The following CHSY3 variants were observed in gnomAD, a reference collection of about 807,000 sequenced individuals.
CHSY3 encodes N-acetylgalactosaminyl-proteoglycan 3-beta-glucuronosyltransferase 3.
CHSY3 carries 35 observed loss-of-function variants against 67.2 expected under a neutral mutation model. The ratio of observed to expected loss-of-function variants is 0.52; its 90% CI spans 0.40 to 0.69. The LOEUF (loss-of-function observed/expected upper bound fraction) is 0.69, where lower values mean the gene tolerates loss of function less well. Among genes scored for constraint, CHSY3 ranks in the 30% least tolerant of loss-of-function variants. CHSY3 has a pLI of 0.00. For missense variants in CHSY3, 1,069 were observed against 1,138.5 expected (o/e 0.94, Z 0.88); for synonymous variants, 474 against 434.7 (o/e 1.09, Z -1.12).
chr5:130,129,791 A>G (rs921840378), intron 2 of CHSY3, among the ~76,000 whole-genome samples: 36 of 152,260 alleles, frequency 2.4e-4, no homozygotes, highest in African/African-American at 7.7e-4. Context: ...TCTCCTTATC[A>G]GTAAAAGATG....
chr5:130,065,260 C>T (rs1238463689), intron 2 of CHSY3, among the ~76,000 whole-genome samples: 1 of 151,754 alleles, frequency 6.6e-6, no homozygotes, highest in Non-Finnish European at 1.5e-5. Context: ...TAGGTAATAG[C>T]AACTTTGACA....
At chr5:130,052,580 G>T (rs1372934368) in intron 2 of CHSY3, among the ~76,000 whole-genome samples, 1 of 151,952 alleles carries the variant, frequency 6.6e-6, no homozygotes, top group Admixed American at 6.6e-5. Context: ...TTTATGAACT[G>T]CTGTGAGAGA....
rs556180521 is a variant in CHSY3, at chr5:129,905,231, C to G, written c.402C>G (p.Pro134=). The change falls in exon 1 of 3, where the codon CCC becomes CCG. Residue 134 remains proline, a synonymous_variant. Transcript: ENST00000305031. ...LPGAPAAEGE[P]EEEDGGAAGQ... ...GTGCTCCAGCGGCCGAGGGGGAGCCCGAGGAGGAGGACGGGGGCGCGGCTG... is the reference window on the plus strand; with the variant it reads ...GTGCTCCAGCGGCCGAGGGGGAGCCGGAGGAGGAGGACGGGGGCGCGGCTG... 4.0e-6 allele frequency: 6 copies of G among 1,493,314 alleles called. No individual in the cohort carries two copies. Among genetic ancestry groups the G allele is most frequent in the East Asian group, 5.2e-5 (2 of 38,680 alleles). 92.5% of individuals were successfully genotyped at this position (1,493,314 alleles called of 1,614,324 possible). A position where few individuals can be genotyped will look rare whatever the true frequency, so the allele number is the denominator to read the frequency against.
chr5:130,166,709 T>A (rs569623424), intron 2 of CHSY3, among the ~76,000 whole-genome samples: 203 of 152,238 alleles, frequency 1.3e-3, no homozygotes, highest in South Asian at 4.3e-3. Flanking sequence ...ATAATAGACA[T>A]CTTGCCATGC....
At chr5:129,964,197 T>C (rs1344760889) in intron 2 of CHSY3, among the ~76,000 whole-genome samples, 1 of 151,886 alleles carries the variant, frequency 6.6e-6, no homozygotes, top group East Asian at 1.9e-4. Flanking sequence ...ATGTACTTTC[T>C]GGCTGTGTGA....
intron 2 of CHSY3, among the ~76,000 whole-genome samples, chr5:129,979,389 C>A (rs1210863208): frequency 2.0e-5 from 3 of 151,890 alleles, no homozygotes; most frequent in African/African-American, 7.3e-5. Flanking sequence ...TGTATGATAT[C>A]ATAAAGTATT....
intron 2 of CHSY3, among the ~76,000 whole-genome samples, chr5:129,916,563 C>G (rs1227586695): frequency 6.6e-6 from 1 of 151,718 alleles, no homozygotes; most frequent in African/African-American, 2.4e-5. Flanking sequence ...ATCTGATAAC[C>G]CATTGTACAG....
At chr5:129,920,638 C>T (rs11957098) in intron 2 of CHSY3, among the ~76,000 whole-genome samples, 3,374 of 152,252 alleles carry the variant, frequency 0.022, 117 homozygotes, top group African/African-American at 0.075. Flanking sequence ...TCATTGTCTT[C>T]TATCCATAAA....
chr5:130,090,646 CGTT>C (rs1766847925), intron 2 of CHSY3, among the ~76,000 whole-genome samples: 1 of 152,172 alleles, frequency 6.6e-6, no homozygotes, highest in Non-Finnish European at 1.5e-5. Context: ...ACATGTATCA[CGTT>C]GTTGCATTAC....
chr5:130,005,338 C>T (rs1763845216), intron 2 of CHSY3, among the ~76,000 whole-genome samples: 1 of 151,942 alleles, frequency 6.6e-6, no homozygotes, highest in Non-Finnish European at 1.5e-5. Context: ...TCGCTTGAAC[C>T]CGGGAGGCAG....
rs914188493 is a variant in CHSY3, at chr5:130,062,557, AT to A, written c.1087-121664del. ...TACCCCCTGAATATAAAATATGATA[AT>A]TTTTTTTGACTGAACTTGTTTTCGT... On this transcript the variant is annotated intron_variant, in intron 2 of 2. Coordinates refer to ENST00000305031, the MANE Select transcript of CHSY3 (RefSeq NM_175856.5). Among the ~76,000 whole-genome samples the A allele has an allele frequency of 2.3e-3, 346 of 151,902 alleles. 2 individuals carry two copies. The highest frequency in any genetic ancestry group is 6.4e-3 in the African/African-American group (265 of 41,476).
intron 2 of CHSY3, among the ~76,000 whole-genome samples, chr5:130,034,091 T>G: frequency 6.6e-6 from 1 of 152,158 alleles, no homozygotes; most frequent in East Asian, 1.9e-4. Flanking sequence ...ACAATAACGT[T>G]CCCCAGATGT....
chr5:130,020,804 TG>T (rs1764368361), intron 2 of CHSY3, among the ~76,000 whole-genome samples: 1 of 152,164 alleles, frequency 6.6e-6, no homozygotes, highest in African/African-American at 2.4e-5. Context: ...CCTCTTCTCC[TG>T]TCCCCTACTC....
chr5:130,074,868 A>G (rs1202394864), intron 2 of CHSY3, among the ~76,000 whole-genome samples: 2 of 150,994 alleles, frequency 1.3e-5, no homozygotes, highest in African/African-American at 4.9e-5. Context: ...TTGGAGTTAT[A>G]TAAACAAATA....
At chr5:130,174,423 C>A (rs1769984588) in intron 2 of CHSY3, among the ~76,000 whole-genome samples, 1 of 152,014 alleles carries the variant, frequency 6.6e-6, no homozygotes, top group African/African-American at 2.4e-5. Context: ...TCACAGACAG[C>A]TTTACCCATG....
At chr5:129,969,434 A>G (rs536819073) in intron 2 of CHSY3, among the ~76,000 whole-genome samples, 1 of 151,904 alleles carries the variant, frequency 6.6e-6, no homozygotes, top group Non-Finnish European at 1.5e-5. Flanking sequence ...TCAACTAAAC[A>G]TTAGCTAATT....
chr5:130,052,081 C>A (rs1474555964), intron 2 of CHSY3: 1 of 152,324 alleles, frequency 6.6e-6, no homozygotes, highest in African/African-American at 2.4e-5. Context: ...TTTCTCTCTG[C>A]AGATGAGCTT....
intron 2 of CHSY3, among the ~76,000 whole-genome samples, chr5:130,039,593 G>A (rs1190908352): frequency 7.1e-6 from 1 of 140,788 alleles, no homozygotes; most frequent in Non-Finnish European, 1.6e-5. Context: ...GACAGGGAGT[G>A]CAGTGGCACA....
chr5:130,065,253 G>A (rs1417784722), intron 2 of CHSY3, among the ~76,000 whole-genome samples: 1 of 151,886 alleles, frequency 6.6e-6, no homozygotes, highest in Non-Finnish European at 1.5e-5. Context: ...CCTTTGCTAG[G>A]TAATAGCAAC....
Sources: allele counts gnomAD v4.1 joint callset (sites outside exome capture counted in the v4.1 genomes callset), GRCh38; gene constraint gnomAD v4.1.1; transcripts MANE v1.5; gene names NCBI Gene and HGNC (gene_info 2026-07-23, HGNC 2026-07-21).